The following ASAP1 variants were observed in gnomAD, a reference collection of about 807,000 sequenced individuals.
The protein encoded by ASAP1 is ArfGAP with SH3 domain, ankyrin repeat and PH domain 1.
A neutral mutation model predicts 145.2 loss-of-function variants in ASAP1; 43 were observed. The ratio of observed to expected loss-of-function variants is 0.30; its 90% CI spans 0.23 to 0.38. The LOEUF is 0.38. ASAP1 is among the 10% of genes least tolerant of loss of function. The pLI is 1.00. For synonymous variants in ASAP1, 546 were observed against 515.5 expected (o/e 1.06, Z -0.80); for missense variants, 1,018 against 1,355.3 (o/e 0.75, Z 3.91).
At chr8:130,300,369 A>G (rs894279165) in intron 3 of ASAP1, among the ~76,000 whole-genome samples, 1 of 152,216 alleles carries the variant, frequency 6.6e-6, no homozygotes, top group African/African-American at 2.4e-5. Context: ...TAATAAGAGG[A>G]TAATATTTTT....
intron 24 of ASAP1, among the ~76,000 whole-genome samples, chr8:130,106,889 G>A (rs1380419951): frequency 1.3e-5 from 2 of 152,186 alleles, no homozygotes; most frequent in East Asian, 1.9e-4. Flanking sequence ...TTTCCCTGGA[G>A]CCCTGAGAGT....
chr8:130,131,612 A>G (rs1403157452), intron 15 of ASAP1, among the ~76,000 whole-genome samples: 3 of 149,216 alleles, frequency 2.0e-5, no homozygotes, highest in Non-Finnish European at 4.5e-5. Flanking sequence ...TGAAAAAAAA[A>G]AAAAAAAAAA....
rs61591724 is a variant in ASAP1 at position 130,097,126 on chromosome 8, C to CAAAAAAAAAA, written c.2402-4993_2402-4984dup. Among the ~76,000 whole-genome samples the CAAAAAAAAAA allele has an allele frequency of 2.1e-4, 11 of 53,590 alleles. 1 individual carries two copies. Among genetic ancestry groups the CAAAAAAAAAA allele is most frequent in the East Asian group, 1.7e-3 (2 of 1,180 alleles). 35.2% of individuals were successfully genotyped at this position (53,590 alleles called of 152,430 possible). ...AGGAGACAGAGTGACAGTTAGTCTC[C>CAAAAAAAAAA]AAAAAAAAAAAAAAAAAAAAAAAAA... On this transcript the variant is annotated intron_variant, in intron 24 of 29. Coordinates refer to ENST00000518721, the MANE Select transcript of ASAP1 (RefSeq NM_018482.4).
At chr8:130,432,839 A>G (rs1830183813) in intron 1 of ASAP1, among the ~76,000 whole-genome samples, 1 of 152,058 alleles carries the variant, frequency 6.6e-6, no homozygotes, top group African/African-American at 2.4e-5. Flanking sequence ...AGTTGCCCAC[A>G]CCTAACCCAA....
At chr8:130,225,427 T>C (rs1195296922) in intron 4 of ASAP1, among the ~76,000 whole-genome samples, 1 of 152,222 alleles carries the variant, frequency 6.6e-6, no homozygotes, top group Non-Finnish European at 1.5e-5. Context: ...TTCGTTAAAG[T>C]AAGTTATTAA....
At chr8:130,338,918 A>G (rs1586859261) in intron 3 of ASAP1, among the ~76,000 whole-genome samples, 1 of 152,244 alleles carries the variant, frequency 6.6e-6, no homozygotes, top group Non-Finnish European at 1.5e-5. Flanking sequence ...TGGTTGGTCC[A>G]GAATTGGGCT....
chr8:130,209,728 A>G (rs890646886), intron 5 of ASAP1, among the ~76,000 whole-genome samples: 7 of 152,288 alleles, frequency 4.6e-5, no homozygotes, highest in Admixed American at 4.6e-4. Context: ...TGTTTTGAGG[A>G]AAAGTACTTA....
intron 26 of ASAP1, among the ~76,000 whole-genome samples, chr8:130,077,469 C>T (rs1272098073): frequency 6.6e-6 from 1 of 151,538 alleles, no homozygotes; most frequent in Admixed American, 6.6e-5. Flanking sequence ...CTGCCAAGAA[C>T]CCCTTTATTA....
At chr8:130,170,070 T>C (rs1239125929) in intron 9 of ASAP1, among the ~76,000 whole-genome samples, 1 of 152,184 alleles carries the variant, frequency 6.6e-6, no homozygotes, top group African/African-American at 2.4e-5. Context: ...ACACTATCTG[T>C]TTTGCTGTCT....
At chr8:130,371,466 T>G (rs967699883) in intron 2 of ASAP1, among the ~76,000 whole-genome samples, 4 of 152,200 alleles carry the variant, frequency 2.6e-5, no homozygotes, top group Non-Finnish European at 4.4e-5. Flanking sequence ...GGGGCAGCAA[T>G]GTGTTTAGCT....
chr8:130,133,964 G>C (rs114802199), intron 15 of ASAP1, among the ~76,000 whole-genome samples: 1 of 152,166 alleles, frequency 6.6e-6, no homozygotes, highest in South Asian at 2.1e-4. Flanking sequence ...CCTTGCCCTC[G>C]AAAAGCTCTT....
chr8:130,340,181 C>G (rs1269841122), intron 3 of ASAP1, among the ~76,000 whole-genome samples: 1 of 152,150 alleles, frequency 6.6e-6, no homozygotes, highest in Non-Finnish European at 1.5e-5. Context: ...GAAATAACCC[C>G]AAATAAGTCA....
At chr8:130,413,625 G>T (rs535201727) in intron 1 of ASAP1, among the ~76,000 whole-genome samples, 1 of 152,224 alleles carries the variant, frequency 6.6e-6, no homozygotes, top group South Asian at 2.1e-4. Flanking sequence ...GAAAAATGAG[G>T]AGCCTGAATC....
rs371168308 is a variant in ASAP1 at position 130,112,103 on chromosome 8, C to T, written c.2392G>A (p.Ala798Thr). The stretch of plus-strand genomic sequence containing the variant: ...TTCTCAAAGCCCATACCTTTCCCGG[C>T]GTTCCTAGGAGGCAGAGGGGGAGCC... ...TEAPPLPPRN[A>T]GKGPTGPPST... The change falls in exon 24 of 30, where the codon GCC becomes ACC. Residue 798 changes from alanine (A) to threonine (T), a missense_variant. Ala to Thr is a moderately conservative substitution (Grantham distance 58, BLOSUM62 0). Coordinates refer to ENST00000518721, the MANE Select transcript of ASAP1 (RefSeq NM_018482.4). The T allele has an allele frequency of 2.0e-5, 33 of 1,613,572 alleles. No homozygotes were observed. The highest frequency in any genetic ancestry group is 9.3e-5 in the African/African-American group (7 of 74,908).
At chr8:130,111,090 C>T (rs1485843436) in intron 24 of ASAP1, among the ~76,000 whole-genome samples, 1 of 151,662 alleles carries the variant, frequency 6.6e-6, no homozygotes, top group African/African-American at 2.4e-5. Context: ...CGGGATTCCT[C>T]GTCTGGGCGC....
intron 15 of ASAP1, among the ~76,000 whole-genome samples, chr8:130,130,330 C>G (rs914182655): frequency 2.0e-5 from 3 of 152,172 alleles, no homozygotes; most frequent in Non-Finnish European, 4.4e-5. Flanking sequence ...TAAGAAAACA[C>G]TTTTGTTGAC....
intron 13 of ASAP1, among the ~76,000 whole-genome samples, chr8:130,148,578 T>C (rs1404046743): frequency 6.6e-6 from 1 of 152,228 alleles, no homozygotes; most frequent in African/African-American, 2.4e-5. Context: ...CAACCCATTA[T>C]TTAAACAGAA....
chr8:130,249,315 G>A (rs1044776844), intron 3 of ASAP1, among the ~76,000 whole-genome samples: 2 of 151,994 alleles, frequency 1.3e-5, no homozygotes, highest in South Asian at 2.1e-4. Context: ...TCACAGACTC[G>A]CCTTTGCAGC....
At chr8:130,423,923 G>T (rs1829817479) in intron 1 of ASAP1, among the ~76,000 whole-genome samples, 1 of 151,818 alleles carries the variant, frequency 6.6e-6, no homozygotes, top group Admixed American at 6.6e-5. Flanking sequence ...AAAATGGGGG[G>T]TGACTGCTAA....
Sources: gnomAD v4.1 joint callset for allele counts (sites outside exome capture counted in the v4.1 genomes callset) on GRCh38, gnomAD v4.1.1 for gene constraint, MANE v1.5 for transcripts, NCBI Gene and HGNC (gene_info 2026-07-23, HGNC 2026-07-21) for gene names.